Variants in QSOX2 observed in about 807,000 individuals in gnomAD.
The protein encoded by QSOX2 is sulfhydryl oxidase 2.
In QSOX2, 46 loss-of-function variants were observed where a neutral mutation model predicts 61.7. That is an observed-to-expected ratio of 0.75 (90% CI 0.59 to 0.95). The LOEUF (loss-of-function observed/expected upper bound fraction) is 0.95. Among genes scored for constraint, QSOX2 ranks in the 40% least tolerant of loss-of-function variants. QSOX2 has a pLI of 0.00. For missense variants in QSOX2, 879 were observed against 918.9 expected, an observed-to-expected ratio of 0.96 and a Z score of 0.56; for synonymous variants, 383 against 388.4, an observed-to-expected ratio of 0.99 and a Z score of 0.16.
At chr9:136,214,265 G>A (rs955262666) in intron 10 of QSOX2, among the ~76,000 whole-genome samples, 5 of 152,128 alleles carry the variant, frequency 3.3e-5, no homozygotes, top group Admixed American at 6.5e-5. Context: ...ATCCAACTTC[G>A]AAGTTTTATA....
intron 11 of QSOX2, 125 bp downstream of exon 11, chr9:136,211,139 C>G: frequency 9.4e-7 from 1 of 1,061,748 alleles, no homozygotes; most frequent in Non-Finnish European, 1.4e-6. Flanking sequence ...CCCGTCAGCA[C>G]AGTGGGTGGC....
chr9:136,233,211 C>A (rs543395005), intron 1 of QSOX2, among the ~76,000 whole-genome samples: 3 of 152,174 alleles, frequency 2.0e-5, no homozygotes, highest in Non-Finnish European at 2.9e-5. Context: ...TCTGGTTGCA[C>A]GAGAAGGCCT....
intron 1 of QSOX2, among the ~76,000 whole-genome samples, chr9:136,234,550 C>G (rs953637661): frequency 6.6e-6 from 1 of 152,214 alleles, no homozygotes; most frequent in South Asian, 2.1e-4. Context: ...GACAGAGACA[C>G]TTTATGGAGA....
chr9:136,240,933 G>A (rs1830428520), intron 1 of QSOX2, among the ~76,000 whole-genome samples: 1 of 152,258 alleles, frequency 6.6e-6, no homozygotes, highest in Non-Finnish European at 1.5e-5. Flanking sequence ...GGAAGCCCAA[G>A]CAGTGCTTAT....
At chr9:136,210,073 G>C (rs1488425886) in intron 11 of QSOX2, 2 of 985,342 alleles carry the variant, frequency 2.0e-6, no homozygotes, top group Non-Finnish European at 2.4e-6. Flanking sequence ...TGCCCTACTC[G>C]GGCCAGTCAC....
chr9:136,226,644 G>A (rs1430330468), intron 2 of QSOX2, 130 bp downstream of exon 2: 3 of 778,240 alleles, frequency 3.9e-6, no homozygotes, highest in East Asian at 2.5e-5. Flanking sequence ...TCCAAGGAGA[G>A]AGCCAGAGAA....
In QSOX2 at chr9:136,207,282, G is replaced by T. The variant is rs1240430745; in HGVS notation, c.*1446C>A. The T allele has an allele frequency of 6.6e-6, 1 of 151,876 alleles. No homozygotes were observed. The highest frequency in any genetic ancestry group is 1.5e-5 in the Non-Finnish European group (1 of 67,998). 9.4% of individuals were successfully genotyped at this position (151,876 alleles called of 1,614,324 possible). A position where few individuals can be genotyped will look rare whatever the true frequency, so the allele number is the denominator to read the frequency against. On this transcript the variant is annotated 3_prime_UTR_variant, in exon 12 of 12. Transcript: ENST00000358701. Reference sequence around the variant, plus strand: ...ATGAATACATCCATGTCATCAACTTGTTAGTAAACACATGATTATACAACA... The same window carrying T: ...ATGAATACATCCATGTCATCAACTTTTTAGTAAACACATGATTATACAACA...
rs1182539495 is a variant in QSOX2 at position 136,222,742 on chromosome 9, G to A, written c.676-801C>T. Reference sequence around the variant, plus strand: ...AACGCACCAGCATGCCAGGCAGGTAGGGGAGCGTGCCCGGCACCAAGACGG... The same window carrying A: ...AACGCACCAGCATGCCAGGCAGGTAAGGGAGCGTGCCCGGCACCAAGACGG... On this transcript the variant is annotated intron_variant, in intron 5 of 11. Transcript: ENST00000358701. The surrounding 1 kb of genome is among the most constrained non-coding windows in gnomAD (Gnocchi z 6.9). Among the ~76,000 whole-genome samples, 1 of 152,230 alleles carries A rather than the reference G, an allele frequency of 6.6e-6. No individual in the cohort carries two copies. Among genetic ancestry groups the A allele is most frequent in the Non-Finnish European group, 1.5e-5 (1 of 68,038 alleles).
chr9:136,245,433 G>A (rs368937918), intron 1 of QSOX2, 43 bp downstream of exon 1: 1 of 1,522,290 alleles, frequency 6.6e-7, no homozygotes. Flanking sequence ...GGAAGGCCGC[G>A]GTCCCGGGGG....
intron 10 of QSOX2, among the ~76,000 whole-genome samples, chr9:136,214,752 C>T (rs1408997049): frequency 2.6e-5 from 4 of 152,186 alleles, no homozygotes; most frequent in African/African-American, 7.2e-5. Flanking sequence ...GCGTGGTTCC[C>T]GTGGTTCTGG....
intron 6 of QSOX2, among the ~76,000 whole-genome samples, chr9:136,219,912 C>T (rs1475363098): frequency 1.3e-5 from 2 of 152,278 alleles, no homozygotes; most frequent in Non-Finnish European, 2.9e-5. Flanking sequence ...TGCTGTGCCC[C>T]AGGCCTGGAA....
chr9:136,209,932 CG>C lies in QSOX2; in HGVS notation c.1550-658del. The C allele has an allele frequency of 1.0e-6, 1 of 985,400 alleles. No homozygotes were observed. 61.0% of individuals were successfully genotyped at this position (985,400 alleles called of 1,614,324 possible). On this transcript the variant is annotated intron_variant, in intron 11 of 11. Transcript: ENST00000358701. This position sits in a 1 kb window ranked among gnomAD's most constrained non-coding sequence, Gnocchi z 5.6. ...GTCATGCAGAAGCTGCGGCGCACGGCGCCTCCTAGCTCTCGGAGCCCCTGCG... is the reference window on the plus strand; with the variant it reads ...GTCATGCAGAAGCTGCGGCGCACGGCCCTCCTAGCTCTCGGAGCCCCTGCG...
At chr9:136,238,158 G>A (rs1236812487) in intron 1 of QSOX2, among the ~76,000 whole-genome samples, 1 of 152,348 alleles carries the variant, frequency 6.6e-6, no homozygotes, top group East Asian at 1.9e-4. Flanking sequence ...ACATGATGCT[G>A]AGAGGACACA....
Position 136,208,564 on chromosome 9 carries a change from G to C in QSOX2, c.*164C>G. The stretch of plus-strand genomic sequence containing the variant: ...ACCCCGTGTTCTTCCCTTGTTAGAA[G>C]AGCGTTTGTAAAACCAGGACTTTGA... On this transcript the variant is annotated 3_prime_UTR_variant, in exon 12 of 12. Transcript: ENST00000358701. 1 of 729,602 alleles carries C rather than the reference G, an allele frequency of 1.4e-6. No individual in the cohort carries two copies. Among genetic ancestry groups the C allele is most frequent in the South Asian group, 2.3e-5 (1 of 43,386 alleles). The allele number at this position is 729,602 out of a possible 1,614,324, so 45.2% of individuals were successfully genotyped here.
In QSOX2 at chr9:136,208,472, G is replaced by GT. The variant is rs1564287988; in HGVS notation, c.*255dup. The stretch of plus-strand genomic sequence containing the variant: ...GTAAAAATACAGAAGTCTTTTTGCT[G>GT]TAAGACCTGCAAAAGGAGCATGAAC... On this transcript the variant is annotated 3_prime_UTR_variant, in exon 12 of 12. Coordinates refer to ENST00000358701, the MANE Select transcript of QSOX2 (RefSeq NM_181701.4). The GT allele has an allele frequency of 6.5e-6, 3 of 461,484 alleles. No individual in the cohort carries two copies. Among genetic ancestry groups the GT allele is most frequent in the South Asian group, 7.9e-5 (2 of 25,456 alleles). The allele number at this position is 461,484 out of a possible 1,614,324, so 28.6% of individuals were successfully genotyped here. A position where few individuals can be genotyped will look rare whatever the true frequency, so the allele number is the denominator to read the frequency against.
Position 136,222,072 on chromosome 9 carries a change from C to A in QSOX2, c.676-131G>T, listed in dbSNP as rs935606383. 47 of 898,202 alleles carry A rather than the reference C, an allele frequency of 5.2e-5. 1 individual carries two copies. Among genetic ancestry groups the A allele is most frequent in the Non-Finnish European group, 4.2e-5 (27 of 638,778 alleles). The allele number at this position is 898,202 out of a possible 1,614,324, so 55.6% of individuals were successfully genotyped here. ...GAAGTCTGTCCCCCTGCAGGCAAGA[C>A]CCTCACTCAAATCTTCACTCTCATT... On this transcript the variant is annotated intron_variant, in intron 5 of 11. Transcript: ENST00000358701. This position sits in a 1 kb window ranked among gnomAD's most constrained non-coding sequence, Gnocchi z 6.9.
intron 2 of QSOX2, 51 bp from the exon 3 acceptor site, chr9:136,224,960 G>T: frequency 7.0e-7 from 1 of 1,425,622 alleles, no homozygotes; most frequent in Non-Finnish European, 9.7e-7. Flanking sequence ...ATGGGCATCT[G>T]CATGTGTTTA....
At chr9:136,245,383 G>T in intron 1 of QSOX2, 93 bp downstream of exon 1, 1 of 1,072,110 alleles carries the variant, frequency 9.3e-7, no homozygotes. Flanking sequence ...CGGGGGAGGG[G>T]CCCCGGGACC....
intron 6 of QSOX2, among the ~76,000 whole-genome samples, chr9:136,220,899 G>C (rs1448030136): frequency 6.6e-6 from 1 of 151,904 alleles, no homozygotes; most frequent in African/African-American, 2.4e-5. Flanking sequence ...GTATAGATGG[G>C]GTCTTACTAT....
Sources: allele counts gnomAD v4.1 joint callset (sites outside exome capture counted in the v4.1 genomes callset), GRCh38; gene constraint gnomAD v4.1.1; non-coding constraint Gnocchi (gnomAD v3.1); transcripts MANE v1.5; gene names NCBI Gene and HGNC (gene_info 2026-07-23, HGNC 2026-07-21).